Variants in DDR2 observed in about 807,000 individuals in gnomAD.
DDR2 encodes the protein discoidin domain receptor tyrosine kinase 2.
A neutral mutation model predicts 94.9 loss-of-function variants in DDR2; 27 were observed. The observed-to-expected ratio is 0.28, with a 90% CI of 0.21 to 0.39. The LOEUF (loss-of-function observed/expected upper bound fraction) is 0.39. Among genes scored for constraint, DDR2 ranks in the 10% least tolerant of loss-of-function variants. DDR2 has a pLI of 1.00. For synonymous variants in DDR2, 382 were observed against 377.2 expected, an observed-to-expected ratio of 1.01 and a Z score of -0.15; for missense variants, 783 against 1,076.0, an observed-to-expected ratio of 0.73 and a Z score of 3.81.
In DDR2 at chr1:162,783,397, A is replaced by G. The variant is rs1485740011; in HGVS notation, c.*3151A>G. On this transcript the variant is annotated 3_prime_UTR_variant, in exon 18 of 18. Transcript: ENST00000367921. ...GAGGACTGTGTGCAAGTGGGGTGAAAAAAAAGGATACGTGAATGTGCATAT... is the reference window on the plus strand; with the variant it reads ...GAGGACTGTGTGCAAGTGGGGTGAAGAAAAAGGATACGTGAATGTGCATAT... 2 of 152,152 alleles carry G rather than the reference A, an allele frequency of 1.3e-5. No individual in the cohort carries two copies. The highest frequency in any genetic ancestry group is 4.8e-5 in the African/African-American group (2 of 41,438). The allele number at this position is 152,152 out of a possible 1,614,324, so 9.4% of individuals were successfully genotyped here.
chr1:162,763,210 T>A (rs918145375), intron 9 of DDR2, among the ~76,000 whole-genome samples: 2 of 151,370 alleles, frequency 1.3e-5, no homozygotes, highest in Non-Finnish European at 2.9e-5. Flanking sequence ...AGACGGTATC[T>A]TGCTCTGTTG....
At position 162,780,372 on chromosome 1, in the gene DDR2, G is replaced by T. The variant is rs975107724; in HGVS notation, c.*126G>T. The T allele has an allele frequency of 6.9e-7, 1 of 1,458,284 alleles. No homozygotes were observed. The highest frequency in any genetic ancestry group is 9.4e-7 in the Non-Finnish European group (1 of 1,068,922). The allele number at this position is 1,458,284 out of a possible 1,614,324, so 90.3% of individuals were successfully genotyped here. On this transcript the variant is annotated 3_prime_UTR_variant, in exon 18 of 18. Transcript: ENST00000367921. Reference sequence around the variant, plus strand: ...TGAGAGACAGAGGCTTGTTTGCTTTGCCCTCTTTTCCTGGTCACCCCCACT... The same window carrying T: ...TGAGAGACAGAGGCTTGTTTGCTTTTCCCTCTTTTCCTGGTCACCCCCACT...
chr1:162,776,405 A>G (rs761793611), intron 16 of DDR2, 35 bp downstream of exon 16: 2 of 1,609,512 alleles, frequency 1.2e-6, no homozygotes, highest in Non-Finnish European at 1.7e-6. Context: ...CTGTCTAACA[A>G]CTGGCTTGTG....
At chr1:162,703,584 G>A (rs1335761673) in intron 2 of DDR2, among the ~76,000 whole-genome samples, 2 of 152,294 alleles carry the variant, frequency 1.3e-5, no homozygotes, top group African/African-American at 2.4e-5. Flanking sequence ...AATTTATTGA[G>A]CACCTACTAT....
At chr1:162,772,357 C>T in intron 13 of DDR2, 110 bp downstream of exon 13, 1 of 1,120,810 alleles carries the variant, frequency 8.9e-7, no homozygotes, top group South Asian at 1.3e-5. Flanking sequence ...AATGTCTCTT[C>T]CATTTGTCTC....
chr1:162,637,797 A>G (rs1656903500), intron 1 of DDR2, among the ~76,000 whole-genome samples: 1 of 152,204 alleles, frequency 6.6e-6, no homozygotes, highest in African/African-American at 2.4e-5. Context: ...CTGAGTATAC[A>G]GACAAATGAA....
chr1:162,729,490 T>TAA (rs1386166087), intron 3 of DDR2, among the ~76,000 whole-genome samples: 1 of 148,292 alleles, frequency 6.7e-6, no homozygotes, highest in African/African-American at 2.5e-5. Context: ...TTTATGAGCC[T>TAA]AAGTGGGAGG....
chr1:162,755,253 A>G lies in DDR2; in HGVS notation c.515A>G (p.His172Arg), dbSNP rs1476149490. 3.1e-6 allele frequency: 5 copies of G among 1,613,678 alleles called. No homozygotes were observed. Among genetic ancestry groups the G allele is most frequent in the Non-Finnish European group, 4.2e-6 (5 of 1,179,944 alleles). Residue 172 changes from histidine (H) to arginine (R), a missense_variant, in exon 6 of 18, where the codon CAC becomes CGC. Transcript: ENST00000367921. ...GTCCGGTTCATTCCAGTCACCGACCACTCCATGAATGTGTGTATGAGAGTG... is the reference window on the plus strand; with the variant it reads ...GTCCGGTTCATTCCAGTCACCGACCGCTCCATGAATGTGTGTATGAGAGTG... ...RFVRFIPVTD[H>R]SMNVCMRVEL...
At chr1:162,683,115 G>A (rs1207398675) in intron 2 of DDR2, among the ~76,000 whole-genome samples, 1 of 152,090 alleles carries the variant, frequency 6.6e-6, no homozygotes, top group African/African-American at 2.4e-5. Context: ...ATTAATTGAT[G>A]CAGAAAATTA....
At chr1:162,733,559 T>C (rs1662158775) in intron 3 of DDR2, among the ~76,000 whole-genome samples, 1 of 152,220 alleles carries the variant, frequency 6.6e-6, no homozygotes, top group Non-Finnish European at 1.5e-5. Flanking sequence ...AGTTCTTATC[T>C]CTGAATTGTC....
intron 2 of DDR2, among the ~76,000 whole-genome samples, chr1:162,709,439 G>A (rs1341065647): frequency 6.6e-6 from 1 of 152,254 alleles, no homozygotes; most frequent in East Asian, 1.9e-4. Context: ...AGCAGCTGCT[G>A]CCCCTGGGGA....
At chr1:162,657,212 C>T (rs976892407) in intron 2 of DDR2, among the ~76,000 whole-genome samples, 18 of 152,102 alleles carry the variant, frequency 1.2e-4, no homozygotes, top group African/African-American at 4.3e-4. Flanking sequence ...TAGCCTTGTC[C>T]TGTGAAGCCT....
intron 2 of DDR2, among the ~76,000 whole-genome samples, chr1:162,677,546 G>C (rs1022387126): frequency 1.3e-5 from 2 of 152,164 alleles, no homozygotes; most frequent in Non-Finnish European, 2.9e-5. Context: ...AGGAGGCACA[G>C]AGGAACCTCT....
At chr1:162,735,271 C>G (rs1473528288) in intron 3 of DDR2, among the ~76,000 whole-genome samples, 1 of 152,170 alleles carries the variant, frequency 6.6e-6, no homozygotes, top group Non-Finnish European at 1.5e-5. Flanking sequence ...GACCTAAACC[C>G]TCTGTATGCT....
At chr1:162,689,388 A>G (rs981517118) in intron 2 of DDR2, among the ~76,000 whole-genome samples, 2 of 152,158 alleles carry the variant, frequency 1.3e-5, no homozygotes, top group African/African-American at 4.8e-5. Flanking sequence ...AACAGAGAAG[A>G]TAACTTGCCC....
intron 14 of DDR2, among the ~76,000 whole-genome samples, chr1:162,773,877 C>G (rs1025923525): frequency 6.6e-6 from 1 of 152,224 alleles, no homozygotes; most frequent in Non-Finnish European, 1.5e-5. Flanking sequence ...ACATATACAA[C>G]TGTCTAAATG....
intron 1 of DDR2, among the ~76,000 whole-genome samples, chr1:162,640,018 A>G (rs781046298): frequency 5.3e-5 from 8 of 152,156 alleles, no homozygotes; most frequent in Middle Eastern, 3.4e-3. Context: ...GAACCCTAAG[A>G]CAAACAATGT....
At chr1:162,720,261 A>G (rs181164235) in intron 3 of DDR2, among the ~76,000 whole-genome samples, 152 of 152,248 alleles carry the variant, frequency 1.0e-3, no homozygotes, top group African/African-American at 3.5e-3. Flanking sequence ...GGATTAAGAA[A>G]CAGAACTATA....
At chr1:162,721,960 A>G (rs1292897507) in intron 3 of DDR2, among the ~76,000 whole-genome samples, 13 of 152,258 alleles carry the variant, frequency 8.5e-5, no homozygotes, top group Non-Finnish European at 1.3e-4. Flanking sequence ...TACAATGACT[A>G]TTGGTCAATA....
Sources: gnomAD v4.1 joint callset for allele counts (sites outside exome capture counted in the v4.1 genomes callset) on GRCh38, gnomAD v4.1.1 for gene constraint, MANE v1.5 for transcripts, NCBI Gene and HGNC (gene_info 2026-07-23, HGNC 2026-07-21) for gene names.